Variants in DKK2 observed in about 807,000 individuals in gnomAD.
The protein encoded by DKK2 is dickkopf Wnt signaling pathway inhibitor 2, also known as dickkopf-related protein 2.
DKK2 carries 11 observed loss-of-function variants against 28.1 expected under a neutral mutation model. The ratio of observed to expected loss-of-function variants is 0.39; its 90% CI spans 0.25 to 0.65. DKK2 has a LOEUF of 0.65. DKK2 is among the 30% of genes least tolerant of loss of function. The probability of loss-of-function intolerance (pLI) is 0.47; values close to 1 mark genes in which losing one functional copy is unlikely to be tolerated. For synonymous variants in DKK2, 135 were observed against 126.5 expected (o/e 1.07, Z -0.45); for missense variants, 326 against 335.5 (o/e 0.97, Z 0.22).
intron 1 of DKK2, among the ~76,000 whole-genome samples, chr4:107,014,496 G>A (rs1184613037): frequency 6.6e-6 from 1 of 151,438 alleles, no homozygotes; most frequent in Non-Finnish European, 1.5e-5. Flanking sequence ...AAGGAGGGGA[G>A]CAGGGAGAGG....
intron 1 of DKK2, among the ~76,000 whole-genome samples, chr4:106,937,515 A>G (rs943950978): frequency 6.8e-6 from 1 of 146,770 alleles, no homozygotes; most frequent in Non-Finnish European, 1.5e-5. Flanking sequence ...CACATTAATA[A>G]TGGGAGACTT....
At chr4:106,955,805 G>C (rs758377254) in intron 1 of DKK2, among the ~76,000 whole-genome samples, 33 of 152,230 alleles carry the variant, frequency 2.2e-4, no homozygotes, top group Non-Finnish European at 4.6e-4. Context: ...CAACATTTAA[G>C]TTATGACATA....
intron 1 of DKK2, among the ~76,000 whole-genome samples, chr4:106,945,363 A>G (rs1724760488): frequency 6.6e-6 from 1 of 152,166 alleles, no homozygotes; most frequent in African/African-American, 2.4e-5. Flanking sequence ...GAACCTCCCA[A>G]TAAGAAATTA....
chr4:106,959,220 GT>G (rs1000325677), intron 1 of DKK2, among the ~76,000 whole-genome samples: 1 of 152,008 alleles, frequency 6.6e-6, no homozygotes, highest in Admixed American at 6.6e-5. Context: ...ATATAAAAGG[GT>G]TTTTTCTGGT....
chr4:106,997,295 T>C (rs944171274), intron 1 of DKK2, among the ~76,000 whole-genome samples: 3 of 152,204 alleles, frequency 2.0e-5, no homozygotes, highest in Non-Finnish European at 4.4e-5. Context: ...AAAATATTTA[T>C]GAAATGAGTA....
intron 1 of DKK2, among the ~76,000 whole-genome samples, chr4:107,025,289 G>A (rs538194469): frequency 1.2e-3 from 179 of 152,090 alleles, no homozygotes; most frequent in African/African-American, 4.0e-3. Flanking sequence ...CTAATGGGTC[G>A]GTGGTATTCA....
intron 1 of DKK2, among the ~76,000 whole-genome samples, chr4:106,980,677 A>G (rs558953917): frequency 8.8e-4 from 134 of 152,314 alleles, no homozygotes; most frequent in Non-Finnish European, 1.2e-3. Flanking sequence ...GCTAAAGTTC[A>G]TAGAGCATTA....
chr4:106,929,529 C>T (rs1284679176), intron 1 of DKK2, among the ~76,000 whole-genome samples: 2 of 152,086 alleles, frequency 1.3e-5, no homozygotes, highest in African/African-American at 2.4e-5. Context: ...TAATAGCAAA[C>T]GATTGGCCAT....
At chr4:106,929,248 A>G (rs1010711303) in intron 1 of DKK2, among the ~76,000 whole-genome samples, 75 of 152,288 alleles carry the variant, frequency 4.9e-4, no homozygotes, top group African/African-American at 1.6e-3. Context: ...TGCTATGGCA[A>G]TTGTTAATAG....
At chr4:107,004,910 G>A (rs1578375228) in intron 1 of DKK2, among the ~76,000 whole-genome samples, 2 of 152,040 alleles carry the variant, frequency 1.3e-5, no homozygotes, top group African/African-American at 2.4e-5. Context: ...CATGAAAGAA[G>A]GGAAACCCAG....
chr4:107,003,465 T>C (rs915751212), intron 1 of DKK2, among the ~76,000 whole-genome samples: 5 of 152,358 alleles, frequency 3.3e-5, no homozygotes, highest in Admixed American at 1.3e-4. Flanking sequence ...CCCCAGAAGA[T>C]TGAAGAGGTC....
chr4:106,959,995 A>G (rs1454736972), intron 1 of DKK2, among the ~76,000 whole-genome samples: 1 of 151,948 alleles, frequency 6.6e-6, no homozygotes, highest in Non-Finnish European at 1.5e-5. Context: ...TTTAATATCC[A>G]TTTTATACTA....
At chr4:107,031,629 A>G (rs1164182394) in intron 1 of DKK2, among the ~76,000 whole-genome samples, 1 of 152,064 alleles carries the variant, frequency 6.6e-6, no homozygotes, top group Non-Finnish European at 1.5e-5. Flanking sequence ...GTTTATCTAC[A>G]TTTAAAATAT....
chr4:106,957,973 TC>T (rs1314758513), intron 1 of DKK2, among the ~76,000 whole-genome samples: 5 of 150,076 alleles, frequency 3.3e-5, no homozygotes, highest in Non-Finnish European at 7.4e-5. Context: ...AGCATTTTTT[TC>T]CAAGAGTAAT....
At chr4:106,980,111 C>T (rs1723006925) in intron 1 of DKK2, among the ~76,000 whole-genome samples, 1 of 152,128 alleles carries the variant, frequency 6.6e-6, no homozygotes, top group Non-Finnish European at 1.5e-5. Flanking sequence ...TTAATTTAAA[C>T]AAGGCAATTG....
chr4:106,975,734 T>A (rs1206672858), intron 1 of DKK2, among the ~76,000 whole-genome samples: 1 of 152,192 alleles, frequency 6.6e-6, no homozygotes, highest in African/African-American at 2.4e-5. Flanking sequence ...CATGTCTCTA[T>A]CTCCTTCAGT....
intron 1 of DKK2, among the ~76,000 whole-genome samples, chr4:106,989,262 G>C (rs372187769): frequency 6.6e-6 from 1 of 152,238 alleles, no homozygotes; most frequent in South Asian, 2.1e-4. Flanking sequence ...AAATGCCTTG[G>C]AGTAAGGAAT....
At chr4:106,988,444 A>G (rs1444409586) in intron 1 of DKK2, among the ~76,000 whole-genome samples, 1 of 152,196 alleles carries the variant, frequency 6.6e-6, no homozygotes. Flanking sequence ...TTAATCAGAC[A>G]GTATTTATTA....
chr4:106,944,888 C>T (rs1246456461), intron 1 of DKK2, among the ~76,000 whole-genome samples: 1 of 152,132 alleles, frequency 6.6e-6, no homozygotes, highest in Non-Finnish European at 1.5e-5. Context: ...GGATGGATTA[C>T]TGTCTGACTA....
Sources: gnomAD v4.1 joint callset for allele counts (sites outside exome capture counted in the v4.1 genomes callset) on GRCh38, gnomAD v4.1.1 for gene constraint, MANE v1.5 for transcripts, NCBI Gene and HGNC (gene_info 2026-07-23, HGNC 2026-07-21) for gene names.